The following CNTNAP2 variants were observed in gnomAD, a reference collection of about 807,000 sequenced individuals.
CNTNAP2 encodes contactin-associated protein-like 2.
A neutral mutation model predicts 155.2 loss-of-function variants in CNTNAP2; 98 were observed. The ratio of observed to expected loss-of-function variants is 0.63; its 90% CI spans 0.54 to 0.75. The LOEUF (loss-of-function observed/expected upper bound fraction) is 0.75, where lower values mean the gene tolerates loss of function less well. Among genes scored for constraint, CNTNAP2 ranks in the 30% least tolerant of loss-of-function variants. CNTNAP2 has a pLI of 0.00. For missense variants in CNTNAP2, 1,727 were observed against 1,688.1 expected, an observed-to-expected ratio of 1.02 and a Z score of -0.40; for synonymous variants, 651 against 631.2, an observed-to-expected ratio of 1.03 and a Z score of -0.47.
chr7:146,437,310 G>A (rs1196383472), intron 1 of CNTNAP2, among the ~76,000 whole-genome samples: 3 of 151,452 alleles, frequency 2.0e-5, no homozygotes, highest in Non-Finnish European at 4.4e-5. Context: ...TGTTGGGGAC[G>A]ACTGTTCTAA....
Position 147,759,515 on chromosome 7 carries a change from C to T in CNTNAP2, c.2098+120209C>T, listed in dbSNP as rs1267883914. On this transcript the variant is annotated intron_variant, in intron 13 of 23. Coordinates refer to ENST00000361727, the MANE Select transcript of CNTNAP2 (RefSeq NM_014141.6). Reference sequence around the variant, plus strand: ...CTATTCATTGAAAATCATTTCCAGACCTCAGATAACACAAGGAACCAGACT... The same window carrying T: ...CTATTCATTGAAAATCATTTCCAGATCTCAGATAACACAAGGAACCAGACT... 2.0e-5 allele frequency among the ~76,000 whole-genome samples: 3 copies of T among 152,140 alleles called. No homozygotes were observed. In the East Asian group the frequency reaches 5.8e-4, roughly 29 times the overall value.
intron 15 of CNTNAP2, among the ~76,000 whole-genome samples, chr7:147,981,786 G>GGTATGTGTGTGTGTGTGTGTGTGT (rs1483366188): frequency 1.3e-4 from 19 of 143,776 alleles, no homozygotes; most frequent in African/African-American, 4.4e-4. Flanking sequence ...TGTCCTTACA[G>GGTATGTGTGTGTGTGTGTGTGTGT]GTGTGTGTGT....
chr7:147,875,888 A>G (rs1353787905), intron 13 of CNTNAP2, among the ~76,000 whole-genome samples: 1 of 152,192 alleles, frequency 6.6e-6, no homozygotes, highest in Non-Finnish European at 1.5e-5. Context: ...TGGTAACAAC[A>G]CAATTAAGGA....
chr7:147,138,862 A>G (rs932711574), intron 8 of CNTNAP2, among the ~76,000 whole-genome samples: 4 of 152,048 alleles, frequency 2.6e-5, no homozygotes, highest in African/African-American at 9.7e-5. Context: ...AAAATTCCAA[A>G]AAGGCAATAA....
chr7:147,036,284 C>G (rs1407440313), intron 3 of CNTNAP2, among the ~76,000 whole-genome samples: 1 of 152,148 alleles, frequency 6.6e-6, no homozygotes, highest in African/African-American at 2.4e-5. Flanking sequence ...TTCACTACCT[C>G]TTAGACCATC....
intron 15 of CNTNAP2, among the ~76,000 whole-genome samples, chr7:148,009,749 A>AG (rs35745881): frequency 0.11 from 16,140 of 152,042 alleles, 1,200 homozygotes; most frequent in East Asian, 0.24. Context: ...AATGTTTCTG[A>AG]TTATTCTTAT....
At chr7:146,665,783 T>TAAAAAAACAAAAAAAAAAAAAAAAA (rs1554464843) in intron 1 of CNTNAP2, among the ~76,000 whole-genome samples, 9 of 48,300 alleles carry the variant, frequency 1.9e-4, no homozygotes, top group African/African-American at 1.0e-3. Context: ...TCTGTCTCAT[T>TAAAAAAACAAAAAAAAAAAAAAAAA]AAAAAAAAAA....
In CNTNAP2 at chr7:148,198,162, A is replaced by T. The variant is rs535288105; in HGVS notation, c.3011-19126A>T. The stretch of plus-strand genomic sequence containing the variant: ...GACTGACCCAAGCCTGTAGCGAGCA[A>T]GGAGGCTGCCTGCTACCCAGAGCCA... On this transcript the variant is annotated intron_variant, in intron 18 of 23. Coordinates refer to ENST00000361727, the MANE Select transcript of CNTNAP2 (RefSeq NM_014141.6). Among the ~76,000 whole-genome samples the T allele has an allele frequency of 2.3e-4, 35 of 152,300 alleles. 2 individuals are homozygous for T. The South Asian group carries it at 5.0e-3, about 22-fold the overall frequency.
intron 15 of CNTNAP2, among the ~76,000 whole-genome samples, chr7:148,000,640 C>G (rs2116892765): frequency 6.6e-6 from 1 of 152,282 alleles, no homozygotes; most frequent in South Asian, 2.1e-4. Context: ...AAGGCTGCAC[C>G]AGACCCCAAC....
At chr7:146,370,309 G>A (rs1193375527) in intron 1 of CNTNAP2, among the ~76,000 whole-genome samples, 1 of 145,510 alleles carries the variant, frequency 6.9e-6, no homozygotes, top group Non-Finnish European at 1.5e-5. Context: ...GTGACAGCAT[G>A]TGCCTGTAAT....
intron 16 of CNTNAP2, among the ~76,000 whole-genome samples, chr7:148,135,296 T>C (rs1414348212): frequency 6.6e-6 from 1 of 152,164 alleles, no homozygotes; most frequent in African/African-American, 2.4e-5. Flanking sequence ...TGTCAACAAA[T>C]GGGAGCACAG....
At chr7:147,900,808 T>A (rs1357799056) in intron 13 of CNTNAP2, among the ~76,000 whole-genome samples, 1 of 152,182 alleles carries the variant, frequency 6.6e-6, no homozygotes, top group Non-Finnish European at 1.5e-5. Flanking sequence ...TTTGAAATGA[T>A]GTTGTAATCT....
At chr7:146,857,645 G>C (rs1430888875) in intron 3 of CNTNAP2, among the ~76,000 whole-genome samples, 2 of 152,154 alleles carry the variant, frequency 1.3e-5, no homozygotes, top group Non-Finnish European at 2.9e-5. Context: ...GAAACAATGG[G>C]AGGGGCAATG....
chr7:146,254,652 A>T (rs1390758494), intron 1 of CNTNAP2, among the ~76,000 whole-genome samples: 1 of 152,206 alleles, frequency 6.6e-6, no homozygotes, highest in Non-Finnish European at 1.5e-5. Flanking sequence ...AAAACAATTT[A>T]TTGTACCTTT....
intron 9 of CNTNAP2, among the ~76,000 whole-genome samples, chr7:147,349,696 C>A (rs1480932259): frequency 6.6e-6 from 1 of 151,918 alleles, no homozygotes; most frequent in East Asian, 1.9e-4. Flanking sequence ...TATTGGAACT[C>A]AGAGCTGATA....
At chr7:148,225,743 G>T (rs112924135) in intron 19 of CNTNAP2, among the ~76,000 whole-genome samples, 28 of 152,292 alleles carry the variant, frequency 1.8e-4, no homozygotes, top group African/African-American at 6.5e-4. Context: ...GGTAGAGATG[G>T]AGATGGCGAC....
At chr7:146,657,071 T>C (rs1800007832) in intron 1 of CNTNAP2, among the ~76,000 whole-genome samples, 1 of 152,178 alleles carries the variant, frequency 6.6e-6, no homozygotes, top group Non-Finnish European at 1.5e-5. Flanking sequence ...TCTCTCTCTC[T>C]CTGTAGCTCT....
intron 3 of CNTNAP2, among the ~76,000 whole-genome samples, chr7:146,879,928 T>C (rs897219809): frequency 1.3e-5 from 2 of 151,972 alleles, no homozygotes; most frequent in African/African-American, 4.8e-5. Context: ...AAGGCACATC[T>C]TACATGGTGG....
chr7:147,822,352 C>T (rs564952905), intron 13 of CNTNAP2, among the ~76,000 whole-genome samples: 2 of 152,254 alleles, frequency 1.3e-5, no homozygotes, highest in East Asian at 3.9e-4. Context: ...TTAGCAAATA[C>T]ATATCAAAAA....
Sources: allele counts gnomAD v4.1 joint callset (sites outside exome capture counted in the v4.1 genomes callset), GRCh38; gene constraint gnomAD v4.1.1; transcripts MANE v1.5; gene names NCBI Gene and HGNC (gene_info 2026-07-23, HGNC 2026-07-21).